Variants in NCKAP1 observed in about 807,000 individuals in gnomAD.
The protein encoded by NCKAP1 is NCK associated protein 1, also known as nck-associated protein 1.
In NCKAP1, 21 loss-of-function variants were observed where a neutral mutation model predicts 151.2. The observed-to-expected ratio is 0.14, with a 90% CI of 0.10 to 0.20. The LOEUF is 0.20. Ranked by LOEUF, NCKAP1 falls within the 10% of genes least tolerant of loss-of-function variation. NCKAP1 has a pLI of 1.00. For missense variants in NCKAP1, 933 were observed against 1,352.1 expected, an observed-to-expected ratio of 0.69 and a Z score of 4.86; for synonymous variants, 484 against 451.8, an observed-to-expected ratio of 1.07 and a Z score of -0.90.
In NCKAP1 at chr2:182,978,880, G is replaced by A. The variant is rs763269603; in HGVS notation, c.1377C>T (p.Ile459=). 6.2e-7 allele frequency: 1 copy of A among 1,608,704 alleles called. No individual in the cohort carries two copies. Among genetic ancestry groups the A allele is most frequent in the Non-Finnish European group, 8.5e-7 (1 of 1,176,352 alleles). Reference sequence around the variant, plus strand: ...TCATAGTGTTAACAAAAGAGGACATGATGATTGATTCATCTTCAGGGCAAA... The same window carrying A: ...TCATAGTGTTAACAAAAGAGGACATAATGATTGATTCATCTTCAGGGCAAA... ...LSVCPEDESI[I]MSSFVNTMTS... is the part of the protein sequence containing the mutation. Residue 459 remains isoleucine, a synonymous_variant, in exon 14 of 31, where the codon ATC becomes ATT. Transcript: ENST00000361354.
intron 15 of NCKAP1, among the ~76,000 whole-genome samples, chr2:182,974,461 A>T (rs1176527056): frequency 6.6e-6 from 1 of 152,170 alleles, no homozygotes. Flanking sequence ...CATAAAAATG[A>T]GGTCATTTGA....
chr2:182,985,095 G>A (rs1342650528), intron 10 of NCKAP1, among the ~76,000 whole-genome samples: 1 of 152,152 alleles, frequency 6.6e-6, no homozygotes, highest in Non-Finnish European at 1.5e-5. Context: ...GAAAAATTAA[G>A]CACATGTACT....
intron 24 of NCKAP1, among the ~76,000 whole-genome samples, chr2:182,941,742 G>T (rs1051282337): frequency 6.6e-6 from 1 of 152,120 alleles, no homozygotes; most frequent in Non-Finnish European, 1.5e-5. Context: ...AAAGTTAACA[G>T]GCTCAGAAGC....
chr2:182,958,396 G>A lies in NCKAP1; in HGVS notation c.1882-800C>T, dbSNP rs189249203. Among the ~76,000 whole-genome samples, 266 of 152,180 alleles carry A rather than the reference G, an allele frequency of 1.7e-3. 5 individuals carry two copies. In the South Asian group the frequency reaches 0.018, roughly 10 times the overall value. Reference sequence around the variant, plus strand: ...TGACCTCAGGAGATCCACCTGCCTCGGCCTCCCAAAGTGCTGGGATTACAA... The same window carrying A: ...TGACCTCAGGAGATCCACCTGCCTCAGCCTCCCAAAGTGCTGGGATTACAA... On this transcript the variant is annotated intron_variant, in intron 18 of 30. Transcript: ENST00000361354.
intron 26 of NCKAP1, among the ~76,000 whole-genome samples, chr2:182,932,161 C>T (rs1696778740): frequency 6.6e-6 from 1 of 152,160 alleles, no homozygotes; most frequent in Non-Finnish European, 1.5e-5. Context: ...ACATTAAAAA[C>T]TTGTACACGG....
chr2:182,957,335 A>T (rs1047024115), intron 19 of NCKAP1, 122 bp downstream of exon 19: 53 of 1,105,498 alleles, frequency 4.8e-5, no homozygotes, highest in Non-Finnish European at 6.0e-5. Flanking sequence ...AATATTTTTT[A>T]AAATGGCTGG....
chr2:182,973,298 G>A (rs548750576), intron 15 of NCKAP1, among the ~76,000 whole-genome samples: 14 of 152,114 alleles, frequency 9.2e-5, no homozygotes, highest in African/African-American at 3.4e-4. Context: ...ACAATGGGGG[G>A]AGAAACATGT....
Position 183,038,201 on chromosome 2 carries a change from G to T in NCKAP1, c.-102C>A. 1 of 779,790 alleles carries T rather than the reference G, an allele frequency of 1.3e-6. No homozygotes were observed. Among genetic ancestry groups the T allele is most frequent in the Non-Finnish European group, 1.9e-6 (1 of 531,526 alleles). The allele number at this position is 779,790 out of a possible 1,614,324, so 48.3% of individuals were successfully genotyped here. ...TCGGGCCTCCTCCCCTCCCGCCCGC[G>T]ACCTCCGCCTTAGGAGAGCGCGCCC... is the stretch of plus-strand genomic sequence containing the variant. On this transcript the variant is annotated 5_prime_UTR_variant, in exon 1 of 31. Coordinates refer to ENST00000361354, the MANE Select transcript of NCKAP1 (RefSeq NM_013436.5).
chr2:182,972,281 C>T (rs1001451353), intron 15 of NCKAP1, among the ~76,000 whole-genome samples: 16 of 104,430 alleles, frequency 1.5e-4, no homozygotes, highest in Non-Finnish European at 2.9e-4. Context: ...AAGAGCTAAA[C>T]AGACATTTCT....
At position 182,915,646 on chromosome 2, in the gene NCKAP1, A is replaced by T. The variant is rs1696455304; in HGVS notation, c.*10056T>A. 6.6e-6 allele frequency: 1 copy of T among 152,198 alleles called. No individual in the cohort carries two copies. The highest frequency in any genetic ancestry group is 2.4e-5 in the African/African-American group (1 of 41,448). The allele number at this position is 152,198 out of a possible 1,614,324, so 9.4% of individuals were successfully genotyped here. A position where few individuals can be genotyped will look rare whatever the true frequency, so the allele number is the denominator to read the frequency against. ...TTTCAAGGCTTGCTAATCCTTGTGC[A>T]TGATGACATGAGATCATCAGACCAG... On this transcript the variant is annotated 3_prime_UTR_variant, in exon 31 of 31. Coordinates refer to ENST00000361354, the MANE Select transcript of NCKAP1 (RefSeq NM_013436.5).
At chr2:182,962,134 C>A in intron 18 of NCKAP1, 25 bp downstream of exon 18, 1 of 1,545,072 alleles carries the variant, frequency 6.5e-7, no homozygotes, top group Non-Finnish European at 8.7e-7. Context: ...AATTTCCTAT[C>A]TGTTGGAAAC....
chr2:183,028,427 T>A (rs1698940468), intron 1 of NCKAP1, among the ~76,000 whole-genome samples: 1 of 152,150 alleles, frequency 6.6e-6, no homozygotes, highest in African/African-American at 2.4e-5. Flanking sequence ...GGAACTTTAT[T>A]CTCCATGAAT....
At chr2:183,029,857 AAAC>A (rs886996714) in intron 1 of NCKAP1, among the ~76,000 whole-genome samples, 9 of 152,044 alleles carry the variant, frequency 5.9e-5, no homozygotes, top group African/African-American at 2.2e-4. Flanking sequence ...GAAGGAAAAA[AAAC>A]AACAAAATAA....
chr2:182,915,768 T>C lies in NCKAP1; in HGVS notation c.*9934A>G, dbSNP rs1575005214. On this transcript the variant is annotated 3_prime_UTR_variant, in exon 31 of 31. Coordinates refer to ENST00000361354, the MANE Select transcript of NCKAP1 (RefSeq NM_013436.5). ...ATGAAGTACTGACTCTAGCTAGGGG[T>C]GAGTCACCAGAATAAAATGATCATT... 6.6e-6 allele frequency: 1 copy of C among 152,272 alleles called. No homozygotes were observed. The highest frequency in any genetic ancestry group is 3.4e-3 in the Middle Eastern group (1 of 294). 9.4% of individuals were successfully genotyped at this position (152,272 alleles called of 1,614,324 possible).
chr2:182,994,174 C>G (rs1698221687), intron 8 of NCKAP1, among the ~76,000 whole-genome samples: 1 of 152,048 alleles, frequency 6.6e-6, no homozygotes. Flanking sequence ...TTTAAGTGAA[C>G]GGATGTGACA....
chr2:182,980,672 A>C (rs963465629), intron 13 of NCKAP1, among the ~76,000 whole-genome samples: 3 of 152,198 alleles, frequency 2.0e-5, no homozygotes, highest in African/African-American at 7.2e-5. Flanking sequence ...TGTCTATATG[A>C]AATCTTTATT....
rs960729831 is a variant in NCKAP1, at chr2:182,923,873, A to C, written c.*1829T>G. On this transcript the variant is annotated 3_prime_UTR_variant, in exon 31 of 31. Coordinates refer to ENST00000361354, the MANE Select transcript of NCKAP1 (RefSeq NM_013436.5). The stretch of plus-strand genomic sequence containing the variant: ...AAAATTTGGACAAAAACTTCAGGTG[A>C]CTATGAGGAGCGATTTTTTTCTCAG... 1.3e-5 allele frequency: 2 copies of C among 152,170 alleles called. No individual in the cohort carries two copies. The highest frequency in any genetic ancestry group is 2.9e-5 in the Non-Finnish European group (2 of 68,018). The allele number at this position is 152,170 out of a possible 1,614,324, so 9.4% of individuals were successfully genotyped here. A position where few individuals can be genotyped will look rare whatever the true frequency, so the allele number is the denominator to read the frequency against.
At chr2:182,930,869 T>A in intron 26 of NCKAP1, 81 bp from the exon 27 acceptor site, 1 of 1,216,566 alleles carries the variant, frequency 8.2e-7, no homozygotes, top group Non-Finnish European at 1.2e-6. Context: ...AGAGTCTGCC[T>A]AGAAGAACAC....
chr2:182,950,401 T>C (rs1301717308), intron 23 of NCKAP1, among the ~76,000 whole-genome samples: 1 of 152,186 alleles, frequency 6.6e-6, no homozygotes, highest in Non-Finnish European at 1.5e-5. Flanking sequence ...AATTCTTCTA[T>C]TATCTCATAC....
Sources: allele counts gnomAD v4.1 joint callset (sites outside exome capture counted in the v4.1 genomes callset), GRCh38; gene constraint gnomAD v4.1.1; transcripts MANE v1.5; gene names NCBI Gene and HGNC (gene_info 2026-07-23, HGNC 2026-07-21).